PDE8A: variants seen among roughly 807,000 people sequenced by gnomAD.
The protein encoded by PDE8A is high affinity cAMP-specific and IBMX-insensitive 3',5'-cyclic phosphodiesterase 8A.
PDE8A carries 59 observed loss-of-function variants against 105.0 expected under a neutral mutation model. That is an observed-to-expected ratio of 0.56 (90% CI 0.46 to 0.70). PDE8A has a LOEUF of 0.70. Ranked by LOEUF, PDE8A falls within the 30% of genes least tolerant of loss-of-function variation. The pLI is 0.00. For synonymous variants in PDE8A, 355 were observed against 371.9 expected (o/e 0.95, Z 0.52); for missense variants, 1,014 against 1,045.9 (o/e 0.97, Z 0.42).
At chr15:85,115,871 G>C in intron 15 of PDE8A, 113 bp from the exon 16 acceptor site, 2 of 936,556 alleles carry the variant, frequency 2.1e-6, no homozygotes, top group Non-Finnish European at 3.2e-6. Context: ...AGTGAGCTGA[G>C]ACTGTACCAC....
chr15:85,036,235 G>A (rs1159444275), intron 1 of PDE8A, among the ~76,000 whole-genome samples: 1 of 152,138 alleles, frequency 6.6e-6, no homozygotes, highest in African/African-American at 2.4e-5. Context: ...TGCATTCCCT[G>A]TCTTCTTCCT....
intron 1 of PDE8A, among the ~76,000 whole-genome samples, chr15:85,009,263 C>A (rs1372163504): frequency 1.3e-5 from 2 of 152,106 alleles, no homozygotes; most frequent in Non-Finnish European, 2.9e-5. Context: ...TTTTAGTTCT[C>A]TTCTACCTGT....
At chr15:85,067,320 A>G (rs2081245428) in intron 3 of PDE8A, 116 bp downstream of exon 3, 1 of 648,754 alleles carries the variant, frequency 1.5e-6, no homozygotes, top group African/African-American at 1.9e-5. Flanking sequence ...TGCATGTGAA[A>G]TAAACAAAAT....
intron 1 of PDE8A, chr15:85,062,652 A>G (rs1015254140): frequency 6.6e-6 from 1 of 152,178 alleles, no homozygotes; most frequent in Non-Finnish European, 1.5e-5. Context: ...GGGTCCTGCA[A>G]GTTGTGTTCA....
At chr15:85,079,638 C>T (rs537805194) in intron 5 of PDE8A, among the ~76,000 whole-genome samples, 6 of 152,332 alleles carry the variant, frequency 3.9e-5, no homozygotes, top group Non-Finnish European at 7.4e-5. Context: ...GCAGGCTGGG[C>T]ACGGTGGCTC....
At chr15:85,087,902 T>C (rs917436155) in intron 6 of PDE8A, among the ~76,000 whole-genome samples, 5 of 152,198 alleles carry the variant, frequency 3.3e-5, no homozygotes, top group African/African-American at 1.2e-4. Flanking sequence ...TTTTTTTCTA[T>C]AAAATAGAAT....
In PDE8A at chr15:85,123,208, T is replaced by C. The variant is rs371702322; in HGVS notation, c.2085+15T>C. The C allele has an allele frequency of 4.2e-5, 67 of 1,613,496 alleles. No individual in the cohort carries two copies. The highest frequency in any genetic ancestry group is 2.5e-4 in the Admixed American group (15 of 59,996). ...AAGAAAATGGGGTAAGGGAAACTTA[T>C]TGCAAAGAGAACCTGTGTTTGGGGT... On this transcript the variant is annotated intron_variant, in intron 19 of 21. Transcript: ENST00000394553.
At chr15:85,055,465 A>G (rs902129064) in intron 1 of PDE8A, among the ~76,000 whole-genome samples, 71 of 152,170 alleles carry the variant, frequency 4.7e-4, no homozygotes, top group Admixed American at 2.6e-4. Context: ...GTAGGTCTCT[A>G]AGGACTTGCC....
intron 1 of PDE8A, among the ~76,000 whole-genome samples, chr15:85,027,594 G>A (rs1159518916): frequency 6.6e-6 from 1 of 152,218 alleles, no homozygotes; most frequent in African/African-American, 2.4e-5. Context: ...AGATGACTGA[G>A]CAATGGCATT....
At chr15:85,098,784 A>AC (rs935901805) in intron 9 of PDE8A, among the ~76,000 whole-genome samples, 1 of 151,864 alleles carries the variant, frequency 6.6e-6, no homozygotes, top group Non-Finnish European at 1.5e-5. Context: ...ATATAGTGAG[A>AC]CCCCCATCCC....
intron 8 of PDE8A, among the ~76,000 whole-genome samples, chr15:85,091,694 CAAAT>C (rs563741689): frequency 4.6e-5 from 7 of 152,044 alleles, no homozygotes; most frequent in Non-Finnish European, 8.8e-5. Context: ...TGGAAACAGA[CAAAT>C]AAAAGTAACT....
At chr15:85,022,714 A>AT (rs148299566) in intron 1 of PDE8A, among the ~76,000 whole-genome samples, 16,240 of 145,982 alleles carry the variant, frequency 0.11, 1,240 homozygotes, top group South Asian at 0.32. Context: ...ACACCTGGCT[A>AT]TTTTTTTTTT....
At chr15:85,097,266 C>T (rs1265472834) in intron 8 of PDE8A, among the ~76,000 whole-genome samples, 4 of 152,266 alleles carry the variant, frequency 2.6e-5, no homozygotes, top group Middle Eastern at 6.8e-3. Flanking sequence ...AGGGAGTCAC[C>T]ACAGCCCGGT....
At chr15:85,103,177 G>A (rs769190282) in intron 11 of PDE8A, among the ~76,000 whole-genome samples, 2 of 152,114 alleles carry the variant, frequency 1.3e-5, no homozygotes, top group Admixed American at 6.5e-5. Context: ...AGCTGAGATC[G>A]CGCCACTGCA....
chr15:84,981,845 TC>T, upstream of PDE8A: 1 of 182,810 alleles, frequency 5.5e-6, no homozygotes, highest in East Asian at 1.4e-4. Flanking sequence ...TCCCCCTATT[TC>T]CCCGGAAGCG....
intron 1 of PDE8A, among the ~76,000 whole-genome samples, chr15:85,030,557 G>A (rs1186674485): frequency 6.6e-6 from 1 of 152,172 alleles, no homozygotes; most frequent in Non-Finnish European, 1.5e-5. Flanking sequence ...CCTGGCTGCA[G>A]CACTGTTAAT....
intron 1 of PDE8A, among the ~76,000 whole-genome samples, chr15:84,994,868 A>G (rs532804793): frequency 6.6e-6 from 1 of 152,210 alleles, no homozygotes; most frequent in Admixed American, 6.5e-5. Context: ...AGGCTGAGGC[A>G]GGAGAATCGC....
chr15:85,076,601 A>G (rs2081383605), intron 4 of PDE8A, 132 bp from the exon 5 acceptor site: 5 of 638,960 alleles, frequency 7.8e-6, no homozygotes, highest in Non-Finnish European at 1.4e-5. Context: ...TATCCTTTAA[A>G]TTTGTATATT....
intron 1 of PDE8A, among the ~76,000 whole-genome samples, chr15:85,043,771 C>A (rs1464790562): frequency 6.6e-6 from 1 of 152,086 alleles, no homozygotes; most frequent in Admixed American, 6.5e-5. Flanking sequence ...GATCTTGGCA[C>A]ACTGCAACCT....
Sources: gnomAD v4.1 joint callset for allele counts (sites outside exome capture counted in the v4.1 genomes callset) on GRCh38, gnomAD v4.1.1 for gene constraint, MANE v1.5 for transcripts, NCBI Gene and HGNC (gene_info 2026-07-23, HGNC 2026-07-21) for gene names.